Variants in RAPH1 observed in about 807,000 individuals in gnomAD.
RAPH1 encodes the protein Ras association (RalGDS/AF-6) and pleckstrin homology domains 1.
Under a neutral mutation model 88.1 loss-of-function variants are expected in RAPH1, and 18 were observed. The ratio of observed to expected loss-of-function variants is 0.20; its 90% confidence interval spans 0.14 to 0.30. The LOEUF (loss-of-function observed/expected upper bound fraction) is 0.30. Ranked by LOEUF, RAPH1 falls within the 10% of genes least tolerant of loss-of-function variation. The pLI, the probability that RAPH1 is intolerant of heterozygous loss-of-function variation, is 1.00. For missense variants in RAPH1, 1,448 were observed against 1,543.2 expected, an observed-to-expected ratio of 0.94 and a Z score of 1.03; for synonymous variants, 587 against 559.0, an observed-to-expected ratio of 1.05 and a Z score of -0.71.
rs985264038 is a variant in RAPH1 at position 203,470,165 on chromosome 2, G to C, written c.733-8240C>G. On this transcript the variant is annotated intron_variant, in intron 4 of 13. Transcript: ENST00000319170. ...AGAGTAAGAAAATAATAATATAAGA[G>C]CATGATCAAAAACAGAAATCATATT... 7 of 942,842 alleles carry C rather than the reference G, an allele frequency of 7.4e-6. No homozygotes were observed. The Admixed American group carries it at 1.7e-4, about 23-fold the overall frequency. 58.4% of individuals were successfully genotyped at this position (942,842 alleles called of 1,614,324 possible). A position where few individuals can be genotyped will look rare whatever the true frequency, so the allele number is the denominator to read the frequency against.
At chr2:203,523,324 C>T (rs1581409568) in intron 1 of RAPH1, among the ~76,000 whole-genome samples, 1 of 147,300 alleles carries the variant, frequency 6.8e-6, no homozygotes, top group Non-Finnish European at 1.5e-5. Flanking sequence ...ATACGGGGGG[C>T]GGAGCTTGCA....
chr2:203,505,861 A>G (rs563845762), intron 1 of RAPH1, among the ~76,000 whole-genome samples: 20 of 152,220 alleles, frequency 1.3e-4, no homozygotes, highest in African/African-American at 4.8e-4. Context: ...ACACACACAC[A>G]CGGCTGCTCC....
At chr2:203,511,385 A>T (rs1022542298) in intron 1 of RAPH1, among the ~76,000 whole-genome samples, 1 of 152,194 alleles carries the variant, frequency 6.6e-6, no homozygotes, top group African/African-American at 2.4e-5. Context: ...GTTAGGAAAA[A>T]TCAGAAAATT....
chr2:203,458,105 C>T (rs575812219), intron 7 of RAPH1, among the ~76,000 whole-genome samples: 31 of 152,132 alleles, frequency 2.0e-4, no homozygotes, highest in Non-Finnish European at 2.9e-4. Context: ...GGTGCAGTGG[C>T]TCACACCTGT....
In RAPH1 at chr2:203,439,667, G is replaced by T; in HGVS notation, c.3523C>A (p.Arg1175=). ...GAGCCGTGCCGAGTGATGGACTTTCGTTGCAGTGTCCTGTTGAGGTCAGCC... is the reference window on the plus strand; with the variant it reads ...GAGCCGTGCCGAGTGATGGACTTTCTTTGCAGTGTCCTGTTGAGGTCAGCC... ...FLADLNRTLQ[R]KSITRHGSLS... The change falls in exon 14 of 14, where the codon CGA becomes AGA. Residue 1175 remains arginine, a synonymous_variant. Transcript: ENST00000319170. The T allele has an allele frequency of 6.2e-7, 1 of 1,614,122 alleles. No individual in the cohort carries two copies. Among genetic ancestry groups the T allele is most frequent in the Non-Finnish European group, 8.5e-7 (1 of 1,180,012 alleles).
rs141347295 is a variant in RAPH1, at chr2:203,498,346, C to T, written c.1-2993G>A. The stretch of plus-strand genomic sequence containing the variant: ...GTGGTCACATGATATTTAGGTGACT[C>T]ATCATCAGGAAAATCTGTGATGTAT... On this transcript the variant is annotated intron_variant, in intron 1 of 13. Coordinates refer to ENST00000319170, the MANE Select transcript of RAPH1 (RefSeq NM_213589.3). 2.9e-3 allele frequency among the ~76,000 whole-genome samples: 444 copies of T among 152,218 alleles called. 1 individual carries two copies. Among genetic ancestry groups the T allele is most frequent in the Non-Finnish European group, 5.2e-3 (355 of 67,986 alleles).
chr2:203,506,757 T>G (rs1689034209), intron 1 of RAPH1, among the ~76,000 whole-genome samples: 1 of 124,588 alleles, frequency 8.0e-6, no homozygotes. Flanking sequence ...TATATATATA[T>G]CTATATATAT....
At chr2:203,495,021 C>G in intron 2 of RAPH1, 1 of 472,980 alleles carries the variant, frequency 2.1e-6, no homozygotes, top group South Asian at 4.8e-5. Context: ...GAGCCTCTCT[C>G]ACAAGTATTT....
At position 203,439,953 on chromosome 2, in the gene RAPH1, T is replaced by C; in HGVS notation, c.3237A>G (p.Glu1079=). ...SDSDFPPPPP[E]TELPLPPIEI... is the part of the protein sequence containing the mutation. ...CAATGGGGGGCAGAGGAAGCTCTGT[T>C]TCAGGTGGAGGGGGTGGAAAATCAG... Residue 1079 remains glutamate (E), a synonymous_variant, in exon 14 of 14, where the codon GAA becomes GAG. Transcript: ENST00000319170. The C allele has an allele frequency of 6.2e-7, 1 of 1,613,570 alleles. No individual in the cohort carries two copies. Among genetic ancestry groups the C allele is most frequent in the Non-Finnish European group, 8.5e-7 (1 of 1,179,924 alleles).
At chr2:203,525,112 G>C (rs973138236) in intron 1 of RAPH1, among the ~76,000 whole-genome samples, 1 of 152,172 alleles carries the variant, frequency 6.6e-6, no homozygotes, top group African/African-American at 2.4e-5. Context: ...ATTTTCTTCA[G>C]AATAGTCCCA....
intron 1 of RAPH1, among the ~76,000 whole-genome samples, chr2:203,529,005 ATTTTTT>A (rs66832810): frequency 2.8e-3 from 116 of 41,080 alleles, no homozygotes; most frequent in African/African-American, 0.012. Flanking sequence ...ATATATATAT[ATTTTTT>A]TTTTTTTTTT....
Position 203,439,360 on chromosome 2 carries a change from A to G in RAPH1, c.*77T>C. ...AACATCATACCAGGAGGCTCTGAAC[A>G]CCTGAATTCACAGATGATCAGGTGA... On this transcript the variant is annotated 3_prime_UTR_variant, in exon 14 of 14. Coordinates refer to ENST00000319170, the MANE Select transcript of RAPH1 (RefSeq NM_213589.3). 7.1e-7 allele frequency: 1 copy of G among 1,409,098 alleles called. No individual in the cohort carries two copies. Among genetic ancestry groups the G allele is most frequent in the Non-Finnish European group, 9.8e-7 (1 of 1,015,890 alleles). The allele number at this position is 1,409,098 out of a possible 1,614,324, so 87.3% of individuals were successfully genotyped here.
chr2:203,462,896 T>C (rs1179666913), intron 4 of RAPH1, among the ~76,000 whole-genome samples: 2 of 152,094 alleles, frequency 1.3e-5, no homozygotes, highest in Admixed American at 6.5e-5. Context: ...CTGGAAAATA[T>C]CTAAGAAAAA....
intron 1 of RAPH1, among the ~76,000 whole-genome samples, chr2:203,511,313 G>C (rs944334066): frequency 6.7e-6 from 1 of 148,242 alleles, no homozygotes; most frequent in South Asian, 2.1e-4. Context: ...CTAGTTTAAA[G>C]AAATATTAAT....
intron 1 of RAPH1, among the ~76,000 whole-genome samples, chr2:203,534,760 C>T (rs1690542302): frequency 6.6e-6 from 1 of 152,188 alleles, no homozygotes; most frequent in Non-Finnish European, 1.5e-5. Context: ...AAAGTCCTTT[C>T]CTCCCTGCGG....
intron 1 of RAPH1, among the ~76,000 whole-genome samples, chr2:203,523,450 C>G (rs936250234): frequency 6.8e-6 from 1 of 147,722 alleles, no homozygotes; most frequent in Non-Finnish European, 1.5e-5. Flanking sequence ...GTGTTTTTAA[C>G]AAATGACACT....
chr2:203,433,859 C>CTGAT lies in RAPH1; in HGVS notation c.*5574_*5577dup, dbSNP rs963396423. On this transcript the variant is annotated 3_prime_UTR_variant, in exon 14 of 14. Coordinates refer to ENST00000319170, the MANE Select transcript of RAPH1 (RefSeq NM_213589.3). ...TTTTTTTTATTAAGGATTTGATAAG[C>CTGAT]TGATATAATGAAAACATGTAAATGA... 4 of 152,434 alleles carry CTGAT rather than the reference C, an allele frequency of 2.6e-5. No homozygotes were observed. Among genetic ancestry groups the CTGAT allele is most frequent in the African/African-American group, 9.7e-5 (4 of 41,408 alleles). The allele number at this position is 152,434 out of a possible 1,614,324, so 9.4% of individuals were successfully genotyped here.
intron 1 of RAPH1, chr2:203,533,423 A>T (rs1000966526): frequency 6.6e-6 from 1 of 152,134 alleles, no homozygotes; most frequent in Non-Finnish European, 1.5e-5. Context: ...AAAATAACGG[A>T]GACAATCTTT....
intron 2 of RAPH1, among the ~76,000 whole-genome samples, chr2:203,494,024 CA>C (rs1173774431): frequency 6.9e-6 from 1 of 145,446 alleles, no homozygotes; most frequent in African/African-American, 2.5e-5. Context: ...AAAATCCCCC[CA>C]AAATACAGTA....
Sources: allele counts gnomAD v4.1 joint callset (sites outside exome capture counted in the v4.1 genomes callset), GRCh38; gene constraint gnomAD v4.1.1; transcripts MANE v1.5; gene names NCBI Gene and HGNC (gene_info 2026-07-23, HGNC 2026-07-21).